The following IFNG variants were observed in gnomAD, a reference collection of about 807,000 sequenced individuals.
IFNG encodes the protein interferon gamma.
IFNG carries 8 observed loss-of-function variants against 14.4 expected under a neutral mutation model. The ratio of observed to expected loss-of-function variants is 0.56; its 90% CI spans 0.33 to 1.00. IFNG has a LOEUF of 1.00. IFNG is among the 50% of genes least tolerant of loss of function. The probability of loss-of-function intolerance (pLI) is 0.03; values close to 1 mark genes in which losing one functional copy is unlikely to be tolerated. For synonymous variants in IFNG, 73 were observed against 65.4 expected (o/e 1.12, Z -0.56); for missense variants, 132 against 194.9 (o/e 0.68, Z 1.92).
In IFNG at chr12:68,155,294, G is replaced by A. The variant is rs2120738183; in HGVS notation, c.*59C>T. 1.6e-6 allele frequency: 2 copies of A among 1,226,306 alleles called. No individual in the cohort carries two copies. Among genetic ancestry groups the A allele is most frequent in the Non-Finnish European group, 2.2e-6 (2 of 903,558 alleles). 76.0% of individuals were successfully genotyped at this position (1,226,306 alleles called of 1,614,324 possible). On this transcript the variant is annotated 3_prime_UTR_variant, in exon 4 of 4. Coordinates refer to ENST00000229135, the MANE Select transcript of IFNG (RefSeq NM_000619.3). ...AAAATATATTCCCCATATAAATAATGTTAAATATTAATAAATAGATTTAGA... is the reference window on the plus strand; with the variant it reads ...AAAATATATTCCCCATATAAATAATATTAAATATTAATAAATAGATTTAGA...
intron 3 of IFNG, among the ~76,000 whole-genome samples, chr12:68,157,304 G>A (rs1306919963): frequency 6.6e-6 from 1 of 152,174 alleles, no homozygotes; most frequent in Non-Finnish European, 1.5e-5. Context: ...TTGCAGTGGG[G>A]TGTCCCTGGT....
chr12:68,159,117 T>C (rs1291405467), intron 1 of IFNG, among the ~76,000 whole-genome samples: 2 of 152,192 alleles, frequency 1.3e-5, no homozygotes, highest in Non-Finnish European at 2.9e-5. Flanking sequence ...CCTATTACCT[T>C]TTTAATGCTA....
intron 2 of IFNG, 22 bp from the exon 3 acceptor site, chr12:68,158,117 CAG>C (rs1297456459): frequency 1.4e-5 from 23 of 1,596,770 alleles, no homozygotes; most frequent in Non-Finnish European, 1.9e-5. Context: ...AGAGCACAAA[CAG>C]AGGATGATGT....
chr12:68,155,289 ATAATGT>A lies in IFNG; in HGVS notation c.*58_*63del, dbSNP rs1882583290. The A allele has an allele frequency of 8.5e-7, 1 of 1,172,580 alleles. No individual in the cohort carries two copies. The highest frequency in any genetic ancestry group is 1.6e-5 in the African/African-American group (1 of 63,742). The allele number at this position is 1,172,580 out of a possible 1,614,324, so 72.6% of individuals were successfully genotyped here. ...GTCTAAAAATATATTCCCCATATAA[ATAATGT>A]TAAATATTAATAAATAGATTTAGAT... On this transcript the variant is annotated 3_prime_UTR_variant, in exon 4 of 4. Coordinates refer to ENST00000229135, the MANE Select transcript of IFNG (RefSeq NM_000619.3).
At chr12:68,156,225 C>T (rs1369198813) in intron 3 of IFNG, among the ~76,000 whole-genome samples, 1 of 152,214 alleles carries the variant, frequency 6.6e-6, no homozygotes, top group South Asian at 2.1e-4. Context: ...TTAAAATAAA[C>T]ACCCCCAATC....
rs1322765544 is a variant in IFNG, at chr12:68,155,152, G to A, written c.*201C>T. ...CTTGCCTAATTAGTCAGAAAACAAAGGATTAAGTGAGACAGTCACAGGATA... is the reference window on the plus strand; with the variant it reads ...CTTGCCTAATTAGTCAGAAAACAAAAGATTAAGTGAGACAGTCACAGGATA... On this transcript the variant is annotated 3_prime_UTR_variant, in exon 4 of 4. Transcript: ENST00000229135. The A allele has an allele frequency of 2.8e-6, 1 of 356,788 alleles. No individual in the cohort carries two copies. Among genetic ancestry groups the A allele is most frequent in the East Asian group, 5.0e-5 (1 of 19,950 alleles). The allele number at this position is 356,788 out of a possible 1,614,324, so 22.1% of individuals were successfully genotyped here.
At chr12:68,155,532 C>T in intron 3 of IFNG, 45 bp from the exon 4 acceptor site, 1 of 1,551,854 alleles carries the variant, frequency 6.4e-7, no homozygotes, top group Non-Finnish European at 8.7e-7. Context: ...GCATATAAGC[C>T]ATCAGGATAT....
At chr12:68,155,609 A>C in intron 3 of IFNG, 122 bp from the exon 4 acceptor site, 1 of 718,834 alleles carries the variant, frequency 1.4e-6, no homozygotes, top group Non-Finnish European at 2.1e-6. Flanking sequence ...GTATTACCTT[A>C]ATATACAATA....
In IFNG at chr12:68,159,686, G is replaced by A; in HGVS notation, c.-71C>T. On this transcript the variant is annotated 5_prime_UTR_variant, in exon 1 of 4. Coordinates refer to ENST00000229135, the MANE Select transcript of IFNG (RefSeq NM_000619.3). ...TGTATCAAGCTGATCAGGTCCAAAGGACTTAACTGATCTTTCTCTTCTAAT... is the reference window on the plus strand; with the variant it reads ...TGTATCAAGCTGATCAGGTCCAAAGAACTTAACTGATCTTTCTCTTCTAAT... The A allele has an allele frequency of 1.4e-6, 1 of 708,438 alleles. No individual in the cohort carries two copies. The highest frequency in any genetic ancestry group is 2.5e-6 in the Non-Finnish European group (1 of 397,758). 43.9% of individuals were successfully genotyped at this position (708,438 alleles called of 1,614,324 possible).
At position 68,158,270 on chromosome 12, in the gene IFNG, A is replaced by C. The variant is rs1041955579; in HGVS notation, c.115-11T>G. On this transcript the variant is annotated splice_polypyrimidine_tract_variant and intron_variant, in intron 1 of 3. Coordinates refer to ENST00000229135, the MANE Select transcript of IFNG (RefSeq NM_000619.3). The stretch of plus-strand genomic sequence containing the variant: ...TGAATGACCTGCATTCTAAAAAAAA[A>C]AAAAGAAAAAATTGGTTTACAATTA... The C allele has an allele frequency of 6.3e-7, 1 of 1,578,298 alleles. No individual in the cohort carries two copies. Among genetic ancestry groups the C allele is most frequent in the African/African-American group, 1.4e-5 (1 of 72,634 alleles).
chr12:68,159,568 C>A lies in IFNG; in HGVS notation c.48G>T (p.Leu16Phe). ...CCTGGCAGTAACAGCCAAGAGAACCCAAAACGATGCAGAGCTGAAAAGCCA... is the reference window on the plus strand; with the variant it reads ...CCTGGCAGTAACAGCCAAGAGAACCAAAAACGATGCAGAGCTGAAAAGCCA... The part of the protein sequence containing the change: ...YILAFQLCIV[L>F]GSLGCYCQDP... The change falls in exon 1 of 4, where the codon TTG becomes TTT. Residue 16 changes from leucine (L) to phenylalanine (F), a missense_variant. Transcript: ENST00000229135. The A allele has an allele frequency of 6.2e-7, 1 of 1,606,126 alleles. No homozygotes were observed. The highest frequency in any genetic ancestry group is 8.5e-7 in the Non-Finnish European group (1 of 1,174,706).
At chr12:68,159,187 C>T (rs1369800534) in intron 1 of IFNG, among the ~76,000 whole-genome samples, 1 of 152,090 alleles carries the variant, frequency 6.6e-6, no homozygotes, top group Non-Finnish European at 1.5e-5. Context: ...TTTCAATCTG[C>T]ATACTCCTTG....
chr12:68,157,291 G>A (rs920060250), intron 3 of IFNG, among the ~76,000 whole-genome samples: 3 of 152,222 alleles, frequency 2.0e-5, no homozygotes, highest in African/African-American at 7.2e-5. Flanking sequence ...GTTGGCTAGA[G>A]ACTTGCAGTG....
chr12:68,158,006 C>G lies in IFNG; in HGVS notation c.273G>C (p.Lys91Asn). ...KNFKDDQSIQ[K>N]SVETIKEDMN... ...TGTCTTCCTTGATGGTCTCCACACT[C>G]TTTTGGATGCTCTGGTCATCTTTAA... Residue 91 changes from lysine to asparagine, a missense_variant, in exon 3 of 4, where the codon AAG (lysine) becomes AAC (asparagine). Transcript: ENST00000229135. The G allele has an allele frequency of 6.2e-7, 1 of 1,611,380 alleles. No individual in the cohort carries two copies. Among genetic ancestry groups the G allele is most frequent in the Non-Finnish European group, 8.5e-7 (1 of 1,178,174 alleles).
chr12:68,158,139 C>T (rs1485085875), intron 2 of IFNG, 44 bp from the exon 3 acceptor site: 1 of 1,592,682 alleles, frequency 6.3e-7, no homozygotes, highest in Non-Finnish European at 8.6e-7. Context: ...TGAATTTATC[C>T]ATCAGAAAGC....
chr12:68,157,060 C>T (rs1047399929), intron 3 of IFNG, among the ~76,000 whole-genome samples: 3 of 152,088 alleles, frequency 2.0e-5, no homozygotes, highest in Admixed American at 1.3e-4. Flanking sequence ...TGTCTTTATG[C>T]CTCAACGTTA....
At chr12:68,158,122 G>A (rs1209596160) in intron 2 of IFNG, 27 bp from the exon 3 acceptor site, 3 of 1,595,412 alleles carry the variant, frequency 1.9e-6, no homozygotes, top group Non-Finnish European at 2.6e-6. Flanking sequence ...ACAAACAGAG[G>A]ATGATGTGAA....
rs781718132 is a variant in IFNG, at chr12:68,155,492, C to T, written c.367-5G>A. 2.4e-5 allele frequency: 39 copies of T among 1,596,680 alleles called. 1 individual carries two copies. The highest frequency in any genetic ancestry group is 1.1e-4 in the South Asian group (10 of 88,236). On this transcript the variant is annotated splice_polypyrimidine_tract_variant and splice_region_variant and intron_variant, in intron 3 of 3. Coordinates refer to ENST00000229135, the MANE Select transcript of IFNG (RefSeq NM_000619.3). ...TTGGACATTCAAGTCAGTTACCTAT[C>T]GGGAAAGAAAAGAGCAAAATTAATT...
intron 3 of IFNG, among the ~76,000 whole-genome samples, chr12:68,156,904 T>TAGTGAA (rs1279862781): frequency 6.6e-6 from 1 of 152,060 alleles, no homozygotes; most frequent in Non-Finnish European, 1.5e-5. Context: ...GGCCCAGCAA[T>TAGTGAA]AGTGAAAGCT....
Sources: allele counts gnomAD v4.1 joint callset (sites outside exome capture counted in the v4.1 genomes callset), GRCh38; gene constraint gnomAD v4.1.1; transcripts MANE v1.5; gene names NCBI Gene and HGNC (gene_info 2026-07-23, HGNC 2026-07-21).